GPR155: variants seen among roughly 807,000 people sequenced by gnomAD.
The protein encoded by GPR155 is lysosomal cholesterol signaling protein.
A neutral mutation model predicts 93.1 loss-of-function variants in GPR155; 65 were observed. The ratio of observed to expected loss-of-function variants is 0.70; its 90% confidence interval spans 0.57 to 0.86. The LOEUF (loss-of-function observed/expected upper bound fraction) is 0.86. Among genes scored for constraint, GPR155 ranks in the 40% least tolerant of loss-of-function variants. The pLI is 0.00. For missense variants in GPR155, 838 were observed against 1,034.8 expected (o/e 0.81, Z 2.61); for synonymous variants, 319 against 360.1 (o/e 0.89, Z 1.29).
chr2:174,468,827 T>C, intron 5 of GPR155, 85 bp downstream of exon 5: 1 of 1,133,502 alleles, frequency 8.8e-7, no homozygotes, highest in East Asian at 2.4e-5. Context: ...CATAAGAAAC[T>C]AGATTTTTAA....
At chr2:174,471,169 C>T (rs1687985618) in intron 3 of GPR155, among the ~76,000 whole-genome samples, 3 of 152,020 alleles carry the variant, frequency 2.0e-5, no homozygotes, top group Non-Finnish European at 4.4e-5. Flanking sequence ...AGGCGGATCA[C>T]GAGTTCAGGT....
intron 10 of GPR155, among the ~76,000 whole-genome samples, chr2:174,457,801 A>T (rs1336316370): frequency 6.6e-6 from 1 of 151,910 alleles, no homozygotes; most frequent in African/African-American, 2.4e-5. Context: ...CCCAGGCTGG[A>T]TTGCTGTGGC....
chr2:174,436,462 T>A (rs1166913524), intron 15 of GPR155, 46 bp from the exon 16 acceptor site: 3 of 1,564,464 alleles, frequency 1.9e-6, no homozygotes, highest in South Asian at 1.1e-5. Flanking sequence ...AAATCTGGTA[T>A]CAGCACTGCA....
At position 174,473,122 on chromosome 2, in the gene GPR155, G is replaced by T. The variant is rs375197307; in HGVS notation, c.703C>A (p.Arg235=). ...IGIAFNFILD[R]KVPVYVENFL... is the part of the protein sequence containing the mutation. Reference sequence around the variant, plus strand: ...TTTTCGACATATACAGGTACCTTTCGATCAAGAATAAAATTGAAGGCGATG... The same window carrying T: ...TTTTCGACATATACAGGTACCTTTCTATCAAGAATAAAATTGAAGGCGATG... Residue 235 remains arginine (R), a synonymous_variant, in exon 3 of 16, where the codon CGA becomes AGA. Coordinates refer to ENST00000392552, the MANE Select transcript of GPR155 (RefSeq NM_152529.7). 6.2e-7 allele frequency: 1 copy of T among 1,610,238 alleles called. No individual in the cohort carries two copies. The highest frequency in any genetic ancestry group is 8.5e-7 in the Non-Finnish European group (1 of 1,179,132).
chr2:174,436,857 C>G lies in GPR155; in HGVS notation c.2313-441G>C, dbSNP rs1400109703. Among the ~76,000 whole-genome samples the G allele has an allele frequency of 2.6e-5, 4 of 152,148 alleles. No individual in the cohort carries two copies. The East Asian group carries it at 7.7e-4, about 29-fold the overall frequency. On this transcript the variant is annotated intron_variant, in intron 15 of 15. Coordinates refer to ENST00000392552, the MANE Select transcript of GPR155 (RefSeq NM_152529.7). The stretch of plus-strand genomic sequence containing the variant: ...AAGTGATTATTTTCACTATTCAAAT[C>G]AAACTTTATTTTTAGCTCCATATAC...
chr2:174,449,284 T>G (rs546063589), intron 11 of GPR155, among the ~76,000 whole-genome samples: 110 of 152,290 alleles, frequency 7.2e-4, no homozygotes, highest in South Asian at 1.2e-3. Flanking sequence ...TTGGTGGGAA[T>G]GTAAATTAGT....
chr2:174,432,803 G>A lies in GPR155; in HGVS notation c.*3313C>T, dbSNP rs1208886297. Reference sequence around the variant, plus strand: ...TTTTGCGATGGAGTCTCACTCTGTCGCCCAGGCTGGAGTGCAGTGGCGCGA... The same window carrying A: ...TTTTGCGATGGAGTCTCACTCTGTCACCCAGGCTGGAGTGCAGTGGCGCGA... On this transcript the variant is annotated 3_prime_UTR_variant, in exon 16 of 16. Coordinates refer to ENST00000392552, the MANE Select transcript of GPR155 (RefSeq NM_152529.7). The A allele has an allele frequency of 7.9e-5, 10 of 127,224 alleles. No homozygotes were observed. Among genetic ancestry groups the A allele is most frequent in the South Asian group, 2.6e-4 (1 of 3,878 alleles). The allele number at this position is 127,224 out of a possible 1,614,324, so 7.9% of individuals were successfully genotyped here.
intron 4 of GPR155, 76 bp from the exon 5 acceptor site, chr2:174,469,143 A>G (rs938439531): frequency 3.2e-6 from 4 of 1,239,410 alleles, no homozygotes; most frequent in African/African-American, 1.5e-5. Context: ...ACCACGGCAC[A>G]CTAAAGCATT....
At chr2:174,466,489 C>G (rs1378047472) in intron 6 of GPR155, 55 bp downstream of exon 6, 1 of 963,156 alleles carries the variant, frequency 1.0e-6, no homozygotes, top group African/African-American at 1.6e-5. Flanking sequence ...TTCTCCTCTA[C>G]AGTAGAATAA....
intron 15 of GPR155, among the ~76,000 whole-genome samples, chr2:174,437,165 A>T (rs532425905): frequency 6.6e-6 from 1 of 152,324 alleles, no homozygotes; most frequent in East Asian, 1.9e-4. Context: ...ACAGGGAAAA[A>T]AATCCAATTA....
chr2:174,477,370 A>G (rs1251187261), intron 2 of GPR155, among the ~76,000 whole-genome samples: 1 of 152,132 alleles, frequency 6.6e-6, no homozygotes, highest in African/African-American at 2.4e-5. Flanking sequence ...AACCATCGTC[A>G]CCATGTTATA....
intron 2 of GPR155, among the ~76,000 whole-genome samples, chr2:174,473,649 AT>A (rs1688064400): frequency 6.6e-6 from 1 of 152,238 alleles, no homozygotes; most frequent in African/African-American, 2.4e-5. Flanking sequence ...AATGAGCAGA[AT>A]TGTAGAATTT....
chr2:174,486,582 G>C (rs963069368), intron 1 of GPR155, among the ~76,000 whole-genome samples: 6 of 152,206 alleles, frequency 3.9e-5, no homozygotes, highest in Non-Finnish European at 8.8e-5. Flanking sequence ...AGAAAGACAG[G>C]GTGGACGCCC....
At chr2:174,451,282 C>G (rs1033250326) in intron 11 of GPR155, among the ~76,000 whole-genome samples, 4 of 151,140 alleles carry the variant, frequency 2.6e-5, no homozygotes, top group Non-Finnish European at 5.9e-5. Flanking sequence ...CCACTGCACT[C>G]TAGCCTGGAT....
intron 5 of GPR155, among the ~76,000 whole-genome samples, chr2:174,468,024 C>T (rs1435717853): frequency 2.6e-5 from 4 of 152,206 alleles, no homozygotes; most frequent in South Asian, 2.1e-4. Flanking sequence ...GCATGAGCCA[C>T]GGTGCCAGAT....
chr2:174,474,382 T>C (rs1559117718), intron 2 of GPR155, among the ~76,000 whole-genome samples: 2 of 152,188 alleles, frequency 1.3e-5, no homozygotes, highest in Non-Finnish European at 2.9e-5. Flanking sequence ...CCAGTGGAGA[T>C]ACTTAAGGAG....
chr2:174,436,400 A>C lies in GPR155; in HGVS notation c.2329T>G (p.Ser777Ala). The change falls in exon 16 of 16, where the codon TCT becomes GCT. Residue 777 changes from serine to alanine, a missense_variant. Coordinates refer to ENST00000392552, the MANE Select transcript of GPR155 (RefSeq NM_152529.7). ...TCACAGCCACAGAAAGTTCCAGCAG[A>C]AGTCTTTGCACCACACCTGTGTCAA... ...VKERRCGAKT[S>A]AGTFCGCDLV... is the part of the protein sequence containing the mutation. 6.2e-7 allele frequency: 1 copy of C among 1,614,114 alleles called. No individual in the cohort carries two copies. Among genetic ancestry groups the C allele is most frequent in the South Asian group, 1.1e-5 (1 of 91,080 alleles).
intron 1 of GPR155, among the ~76,000 whole-genome samples, chr2:174,486,656 C>A (rs1559124971): frequency 6.6e-6 from 1 of 152,180 alleles, no homozygotes; most frequent in East Asian, 1.9e-4. Flanking sequence ...CGAGACACCC[C>A]CTCCCCCGCG....
At position 174,469,000 on chromosome 2, in the gene GPR155, A is replaced by C; in HGVS notation, c.1094T>G (p.Leu365Arg). The change falls in exon 5 of 16, where the codon CTG (leucine) becomes CGG (arginine). Residue 365 changes from leucine (L) to arginine (R), a missense_variant. Coordinates refer to ENST00000392552, the MANE Select transcript of GPR155 (RefSeq NM_152529.7). ...APIMYVSAWL[L>R]TFPTMDPKPL... Reference sequence around the variant, plus strand: ...CTTAGGGTCCATAGTGGGAAAGGTCAGTAACCAGGCAGAAACGTACATGAT... The same window carrying C: ...CTTAGGGTCCATAGTGGGAAAGGTCCGTAACCAGGCAGAAACGTACATGAT... The C allele has an allele frequency of 6.2e-7, 1 of 1,614,062 alleles. No homozygotes were observed. The highest frequency in any genetic ancestry group is 1.1e-5 in the South Asian group (1 of 91,084).
Sources: allele counts gnomAD v4.1 joint callset (sites outside exome capture counted in the v4.1 genomes callset), GRCh38; gene constraint gnomAD v4.1.1; transcripts MANE v1.5; gene names NCBI Gene and HGNC (gene_info 2026-07-23, HGNC 2026-07-21).